The following ELF5 variants were observed in gnomAD, a reference collection of about 807,000 sequenced individuals.
ELF5 encodes E74 like ETS transcription factor 5.
ELF5 carries 31 observed loss-of-function variants against 38.2 expected under a neutral mutation model. That is an observed-to-expected ratio of 0.81 (90% CI 0.61 to 1.10). The LOEUF is 1.10. Ranked by LOEUF, ELF5 falls within the 50% of genes least tolerant of loss-of-function variation. The probability of loss-of-function intolerance (pLI) is 0.00; values close to 1 mark genes in which losing one functional copy is unlikely to be tolerated. For synonymous variants in ELF5, 121 were observed against 112.5 expected (o/e 1.08, Z -0.48); for missense variants, 300 against 306.6 (o/e 0.98, Z 0.16).
intron 2 of ELF5, among the ~76,000 whole-genome samples, chr11:34,494,330 G>A (rs1398644924): frequency 6.6e-6 from 1 of 152,212 alleles, no homozygotes. Context: ...GCCCAATGCT[G>A]GCTATTTGTT....
intron 2 of ELF5, among the ~76,000 whole-genome samples, chr11:34,502,066 G>A (rs1850485833): frequency 6.6e-6 from 1 of 152,152 alleles, no homozygotes; most frequent in African/African-American, 2.4e-5. Context: ...CACCCAACAG[G>A]GAGTGGTGAG....
chr11:34,493,451 CT>C, intron 3 of ELF5, 27 bp downstream of exon 3: 1 of 1,602,596 alleles, frequency 6.2e-7, no homozygotes. Flanking sequence ...GGTCCCTCCC[CT>C]GGAGGTCTGG....
At chr11:34,489,670 T>C (rs1850108989) in intron 4 of ELF5, among the ~76,000 whole-genome samples, 1 of 151,814 alleles carries the variant, frequency 6.6e-6, no homozygotes. Flanking sequence ...GACAAATGGA[T>C]ACTGGTTTGG....
intron 4 of ELF5, among the ~76,000 whole-genome samples, chr11:34,483,147 G>C (rs1249232881): frequency 6.6e-6 from 1 of 151,760 alleles, no homozygotes; most frequent in Non-Finnish European, 1.5e-5. Flanking sequence ...CAGGGACTTC[G>C]CAGTTGCTCT....
chr11:34,498,060 T>A (rs1016431125), intron 2 of ELF5, among the ~76,000 whole-genome samples: 9 of 152,228 alleles, frequency 5.9e-5, no homozygotes, highest in Middle Eastern at 3.2e-3. Flanking sequence ...TTCTCAAACT[T>A]GAAACCAGGA....
intron 2 of ELF5, among the ~76,000 whole-genome samples, chr11:34,505,009 T>C (rs1850576176): frequency 6.6e-6 from 1 of 152,088 alleles, no homozygotes; most frequent in South Asian, 2.1e-4. Flanking sequence ...GAAAAAGAAA[T>C]AGAAGCTCAG....
chr11:34,510,294 T>G (rs1290957426), intron 1 of ELF5, among the ~76,000 whole-genome samples: 2 of 151,048 alleles, frequency 1.3e-5, no homozygotes, highest in East Asian at 4.0e-4. Flanking sequence ...ATATCTTTTA[T>G]AAAAGCAGAA....
At position 34,493,721 on chromosome 11, in the gene ELF5, A is replaced by G; in HGVS notation, c.122-9T>C. 1 of 1,610,886 alleles carries G rather than the reference A, an allele frequency of 6.2e-7. No homozygotes were observed. The highest frequency in any genetic ancestry group is 8.5e-7 in the Non-Finnish European group (1 of 1,177,300). On this transcript the variant is annotated splice_polypyrimidine_tract_variant and intron_variant, in intron 2 of 6. Transcript: ENST00000257832. ...CCAGTATGAGTCACAGGCTGCACCA[A>G]AGGAGAAAGAAGTGAGGGACAACAG...
At chr11:34,491,631 A>C (rs1372745819) in intron 3 of ELF5, 1 of 148,568 alleles carries the variant, frequency 6.7e-6, no homozygotes. Flanking sequence ...GCTGGAGTGC[A>C]ATGGTGCAAT....
chr11:34,496,568 G>T (rs897912642), intron 2 of ELF5, among the ~76,000 whole-genome samples: 1 of 152,194 alleles, frequency 6.6e-6, no homozygotes, highest in Non-Finnish European at 1.5e-5. Context: ...GTCCCCATCT[G>T]CCTTCTCCTG....
chr11:34,511,544 C>T, intron 1 of ELF5: 1 of 1,614,212 alleles, frequency 6.2e-7, no homozygotes. Context: ...CTGCAGGTAC[C>T]TGTGGGAGTG....
At chr11:34,507,819 GGTAA>G (rs1341163103) in intron 1 of ELF5, among the ~76,000 whole-genome samples, 1 of 152,210 alleles carries the variant, frequency 6.6e-6, no homozygotes, top group Non-Finnish European at 1.5e-5. Context: ...TCACACCACT[GGTAA>G]GTGTCTTGGG....
chr11:34,505,707 A>T lies in ELF5; in HGVS notation c.43T>A (p.Ser15Thr). The T allele has an allele frequency of 3.1e-6, 5 of 1,614,114 alleles. No individual in the cohort carries two copies. In the South Asian group the frequency reaches 5.5e-5, roughly 18 times the overall value. The change falls in exon 2 of 7, where the codon TCC becomes ACC. Residue 15 changes from serine to threonine, a missense_variant. Ser to Thr is a moderately conservative substitution (Grantham distance 58). Transcript: ENST00000257832. ...VTHSTFLPNA[S>T]FCDPLMSWTD... ...CACGACATCAGGGGATCGCAGAAGGATGCATTAGGCAGGAAGGTGCTGTGT... is the reference window on the plus strand; with the variant it reads ...CACGACATCAGGGGATCGCAGAAGGTTGCATTAGGCAGGAAGGTGCTGTGT...
At chr11:34,487,745 ATTGAACCGC>A (rs1363083485) in intron 4 of ELF5, among the ~76,000 whole-genome samples, 1 of 152,066 alleles carries the variant, frequency 6.6e-6, no homozygotes, top group Non-Finnish European at 1.5e-5. Flanking sequence ...CTATCACAGA[ATTGAACCGC>A]TCAGTAGAAT....
intron 2 of ELF5, among the ~76,000 whole-genome samples, chr11:34,500,966 CG>C (rs1850450400): frequency 3.4e-5 from 5 of 148,318 alleles, no homozygotes; most frequent in South Asian, 4.3e-4. Context: ...AGTATGTGCC[CG>C]TTATCATGCT....
At chr11:34,511,725 G>A in intron 1 of ELF5, 1 of 870,194 alleles carries the variant, frequency 1.1e-6, no homozygotes, top group Non-Finnish European at 1.8e-6. Flanking sequence ...TAACAGGTGT[G>A]GCTCCCATGG....
At chr11:34,506,637 C>G (rs1463577851) in intron 1 of ELF5, among the ~76,000 whole-genome samples, 2 of 152,140 alleles carry the variant, frequency 1.3e-5, no homozygotes. Flanking sequence ...CCTCCACCTC[C>G]CGAGTAGCTG....
intron 2 of ELF5, among the ~76,000 whole-genome samples, chr11:34,501,397 G>A (rs1404426007): frequency 2.6e-5 from 4 of 152,274 alleles, no homozygotes; most frequent in Admixed American, 6.5e-5. Flanking sequence ...GCATGTGTGC[G>A]TGGCACATTG....
At chr11:34,509,077 C>CCACTTG (rs1289057252) in intron 1 of ELF5, among the ~76,000 whole-genome samples, 1 of 152,148 alleles carries the variant, frequency 6.6e-6, no homozygotes, top group Non-Finnish European at 1.5e-5. Flanking sequence ...TGCCTGTAAT[C>CCACTTG]CCAGCACTTT....
Sources: allele counts gnomAD v4.1 joint callset (sites outside exome capture counted in the v4.1 genomes callset), GRCh38; gene constraint gnomAD v4.1.1; transcripts MANE v1.5; gene names NCBI Gene and HGNC (gene_info 2026-07-23, HGNC 2026-07-21).